Variants in PLCB1 observed in about 807,000 individuals in gnomAD.
PLCB1 encodes phospholipase C beta 1.
In PLCB1, 46 loss-of-function variants were observed where a neutral mutation model predicts 161.8. The ratio of observed to expected loss-of-function variants is 0.28; its 90% confidence interval spans 0.22 to 0.36. PLCB1 has a LOEUF of 0.36. PLCB1 is among the 10% of genes least tolerant of loss of function. The pLI, the probability that PLCB1 is intolerant of heterozygous loss-of-function variation, is 1.00. For missense variants in PLCB1, 1,016 were observed against 1,472.5 expected (o/e 0.69, Z 5.07); for synonymous variants, 517 against 503.7 (o/e 1.03, Z -0.35).
At chr20:8,679,023 T>C (rs1419798562) in intron 9 of PLCB1, among the ~76,000 whole-genome samples, 1 of 152,214 alleles carries the variant, frequency 6.6e-6, no homozygotes, top group Non-Finnish European at 1.5e-5. Context: ...TTATGTGCCA[T>C]GTTTTTAAGT....
chr20:8,628,909 G>T (rs979131450), intron 4 of PLCB1, among the ~76,000 whole-genome samples: 2 of 151,844 alleles, frequency 1.3e-5, no homozygotes, highest in Admixed American at 6.6e-5. Context: ...CTCCAGCCTG[G>T]GTGACAGAGT....
chr20:8,423,074 G>A (rs766142933), intron 3 of PLCB1, among the ~76,000 whole-genome samples: 3 of 152,042 alleles, frequency 2.0e-5, no homozygotes, highest in Admixed American at 1.3e-4. Flanking sequence ...TGCAACCACC[G>A]CAACTGTCAT....
rs373812664 is a variant in PLCB1 at position 8,720,928 on chromosome 20, A to G, written c.1514-1426A>G. Reference sequence around the variant, plus strand: ...AAAATGCTTAAGTGGCAATACCCTAAAAGAATGTGTCTCTAATATTGTAGT... The same window carrying G: ...AAAATGCTTAAGTGGCAATACCCTAGAAGAATGTGTCTCTAATATTGTAGT... On this transcript the variant is annotated intron_variant, in intron 14 of 31. Coordinates refer to ENST00000338037, the MANE Select transcript of PLCB1 (RefSeq NM_015192.4). 8.5e-5 allele frequency among the ~76,000 whole-genome samples: 13 copies of G among 152,232 alleles called. No homozygotes were observed. The East Asian group carries it at 2.3e-3, about 27-fold the overall frequency.
intron 2 of PLCB1, among the ~76,000 whole-genome samples, chr20:8,344,301 G>T (rs948271943): frequency 6.6e-6 from 1 of 152,210 alleles, no homozygotes; most frequent in African/African-American, 2.4e-5. Context: ...GATTTTGTGG[G>T]TTTGTTTGGT....
chr20:8,184,768 C>CA (rs1387077513), intron 2 of PLCB1, among the ~76,000 whole-genome samples: 23 of 78,278 alleles, frequency 2.9e-4, no homozygotes, highest in Admixed American at 1.8e-3. Context: ...TTGGCAATAC[C>CA]TTTATTATTA....
chr20:8,425,723 A>G (rs1048979530), intron 3 of PLCB1, among the ~76,000 whole-genome samples: 2 of 152,218 alleles, frequency 1.3e-5, no homozygotes, highest in Non-Finnish European at 2.9e-5. Flanking sequence ...TCCCTAGGCA[A>G]TGAGGAGATT....
chr20:8,803,022 C>T (rs1018383241), intron 31 of PLCB1, among the ~76,000 whole-genome samples: 5 of 152,142 alleles, frequency 3.3e-5, no homozygotes, highest in African/African-American at 1.2e-4. Context: ...CTGTTTTTGT[C>T]TTCAAGTATT....
intron 11 of PLCB1, among the ~76,000 whole-genome samples, chr20:8,700,868 G>A (rs1232185488): frequency 6.6e-6 from 1 of 152,220 alleles, no homozygotes. Flanking sequence ...TGAGATGTGG[G>A]TAGGTGACAG....
intron 31 of PLCB1, among the ~76,000 whole-genome samples, chr20:8,878,500 C>G (rs1987855260): frequency 6.6e-6 from 1 of 152,178 alleles, no homozygotes; most frequent in African/African-American, 2.4e-5. Context: ...TATGTGCCAA[C>G]ATGGAGAGTA....
At chr20:8,718,104 C>T (rs1478151398) in intron 14 of PLCB1, among the ~76,000 whole-genome samples, 2 of 151,998 alleles carry the variant, frequency 1.3e-5, no homozygotes, top group Non-Finnish European at 2.9e-5. Context: ...CCTGTAGTCC[C>T]AGCTACTCGG....
intron 3 of PLCB1, among the ~76,000 whole-genome samples, chr20:8,375,423 G>A (rs1291993928): frequency 6.6e-6 from 1 of 152,170 alleles, no homozygotes; most frequent in Admixed American, 6.5e-5. Context: ...AGTGGCTCAT[G>A]TGCAGCTTTC....
intron 7 of PLCB1, among the ~76,000 whole-genome samples, chr20:8,655,530 G>A (rs760320494): frequency 2.1e-4 from 32 of 152,082 alleles, no homozygotes; most frequent in Non-Finnish European, 4.3e-4. Context: ...CCAGTTCAAG[G>A]GGAAGGCAAG....
intron 2 of PLCB1, among the ~76,000 whole-genome samples, chr20:8,151,480 C>T (rs761384805): frequency 7.9e-5 from 12 of 152,048 alleles, no homozygotes; most frequent in South Asian, 6.2e-4. Context: ...AATCAGTGTG[C>T]CCTGGAACCA....
At chr20:8,511,318 T>A (rs1983882468) in intron 3 of PLCB1, among the ~76,000 whole-genome samples, 1 of 152,212 alleles carries the variant, frequency 6.6e-6, no homozygotes, top group Non-Finnish European at 1.5e-5. Context: ...TTCTTTTTTT[T>A]AAGGCTGAAC....
chr20:8,449,730 C>G (rs1275600663), intron 3 of PLCB1, among the ~76,000 whole-genome samples: 1 of 152,194 alleles, frequency 6.6e-6, no homozygotes, highest in East Asian at 1.9e-4. Context: ...TCTTCCTTCC[C>G]TATCTCATTG....
chr20:8,498,571 C>T (rs189243759), intron 3 of PLCB1, among the ~76,000 whole-genome samples: 19 of 152,188 alleles, frequency 1.2e-4, no homozygotes, highest in Middle Eastern at 3.4e-3. Context: ...AATCTCAAGG[C>T]GGCGGGGAAC....
intron 14 of PLCB1, among the ~76,000 whole-genome samples, chr20:8,719,527 T>C (rs567493659): frequency 1.3e-5 from 2 of 152,276 alleles, no homozygotes; most frequent in East Asian, 3.9e-4. Flanking sequence ...AAACATAATA[T>C]TGAGCAAAGG....
chr20:8,651,334 C>T, intron 7 of PLCB1: 1 of 666,772 alleles, frequency 1.5e-6, no homozygotes, highest in Admixed American at 2.4e-5. Flanking sequence ...CTTTTCAAAA[C>T]AGCAAAGTTC....
intron 31 of PLCB1, among the ~76,000 whole-genome samples, chr20:8,833,355 T>G (rs1986105898): frequency 6.6e-6 from 1 of 152,194 alleles, no homozygotes; most frequent in Non-Finnish European, 1.5e-5. Flanking sequence ...TCATGAGACT[T>G]ATTCACTATC....
Sources: allele counts gnomAD v4.1 joint callset (sites outside exome capture counted in the v4.1 genomes callset), GRCh38; gene constraint gnomAD v4.1.1; transcripts MANE v1.5; gene names NCBI Gene and HGNC (gene_info 2026-07-23, HGNC 2026-07-21).